The following CCAR1 variants were observed in gnomAD, a reference collection of about 807,000 sequenced individuals.
The protein encoded by CCAR1 is cell division cycle and apoptosis regulator protein 1.
A neutral mutation model predicts 163.8 loss-of-function variants in CCAR1; 78 were observed. That is an observed-to-expected ratio of 0.48 (90% confidence interval 0.40 to 0.57). The LOEUF (loss-of-function observed/expected upper bound fraction) is 0.57. CCAR1 is among the 20% of genes least tolerant of loss of function. The pLI, the probability that CCAR1 is intolerant of heterozygous loss-of-function variation, is 0.00. For synonymous variants in CCAR1, 443 were observed against 460.7 expected (o/e 0.96, Z 0.49); for missense variants, 1,019 against 1,365.2 (o/e 0.75, Z 4.00).
At chr10:68,741,727 CTAA>C (rs1415087352) in intron 5 of CCAR1, among the ~76,000 whole-genome samples, 1 of 152,120 alleles carries the variant, frequency 6.6e-6, no homozygotes. Context: ...AGGCTTTACA[CTAA>C]TAATTAGGAC....
At chr10:68,763,304 C>T (rs532592604) in intron 16 of CCAR1, among the ~76,000 whole-genome samples, 5 of 151,926 alleles carry the variant, frequency 3.3e-5, no homozygotes, top group African/African-American at 1.2e-4. Context: ...GCATGCACCA[C>T]CATGCCCAGC....
intron 3 of CCAR1, 94 bp downstream of exon 3, chr10:68,737,142 A>T: frequency 1.2e-6 from 1 of 825,544 alleles, no homozygotes; most frequent in Non-Finnish European, 1.9e-6. Context: ...GTAGTGAAGA[A>T]TTATGTGTTT....
rs41278524 is a variant in CCAR1 at position 68,754,870 on chromosome 10, G to A, written c.1458+43G>A. ...TTTTAACTTTAGATGTATTCACTTT[G>A]CTTAGCTGTAACTTTGTACACATAA... On this transcript the variant is annotated intron_variant, in intron 12 of 24. Transcript: ENST00000265872. 5.2e-4 allele frequency: 551 copies of A among 1,069,370 alleles called. 3 individuals are homozygous for A. The highest frequency in any genetic ancestry group is 4.1e-3 in the South Asian group (321 of 78,298). The allele number at this position is 1,069,370 out of a possible 1,614,324, so 66.2% of individuals were successfully genotyped here.
At chr10:68,778,821 A>G (rs1364837035) in intron 19 of CCAR1, among the ~76,000 whole-genome samples, 1 of 151,942 alleles carries the variant, frequency 6.6e-6, no homozygotes, top group Non-Finnish European at 1.5e-5. Context: ...TTTATATCTC[A>G]TGATCCTGTT....
intron 15 of CCAR1, among the ~76,000 whole-genome samples, chr10:68,758,610 T>C (rs548626064): frequency 7.3e-6 from 1 of 136,886 alleles, no homozygotes; most frequent in African/African-American, 3.0e-5. Context: ...TATATATACG[T>C]GTGTGTATAT....
At chr10:68,735,454 G>C (rs1481835320) in intron 2 of CCAR1, among the ~76,000 whole-genome samples, 1 of 146,098 alleles carries the variant, frequency 6.8e-6, no homozygotes, top group Non-Finnish European at 1.5e-5. Context: ...GCTCACTGCA[G>C]CCTGGAATGT....
intron 2 of CCAR1, among the ~76,000 whole-genome samples, chr10:68,726,779 C>T (rs942194433): frequency 7.9e-5 from 12 of 151,666 alleles, no homozygotes; most frequent in African/African-American, 2.7e-4. Context: ...AGGCAGATCA[C>T]GAGGTCAGGA....
At chr10:68,746,152 C>G (rs1436920611) in intron 6 of CCAR1, among the ~76,000 whole-genome samples, 1 of 150,560 alleles carries the variant, frequency 6.6e-6, no homozygotes, top group Non-Finnish European at 1.5e-5. Context: ...TTTGTATTTT[C>G]AGTAGGGATG....
intron 19 of CCAR1, among the ~76,000 whole-genome samples, chr10:68,784,464 C>T (rs556918398): frequency 1.8e-3 from 271 of 152,190 alleles, no homozygotes; most frequent in Non-Finnish European, 1.8e-3. Context: ...CCATCTGCCT[C>T]GGGCTGCCAA....
intron 2 of CCAR1, among the ~76,000 whole-genome samples, chr10:68,729,765 C>A (rs1006085872): frequency 6.6e-6 from 1 of 151,196 alleles, no homozygotes; most frequent in Non-Finnish European, 1.5e-5. Flanking sequence ...ATTTTAAAGT[C>A]TTTAAAAATT....
chr10:68,782,150 A>C (rs1316570801), intron 19 of CCAR1, among the ~76,000 whole-genome samples: 1 of 152,222 alleles, frequency 6.6e-6, no homozygotes, highest in African/African-American at 2.4e-5. Context: ...CATTCCCTTA[A>C]GGCAAAACCT....
intron 16 of CCAR1, among the ~76,000 whole-genome samples, chr10:68,764,425 T>TA (rs1464358844): frequency 6.6e-6 from 1 of 152,098 alleles, no homozygotes; most frequent in Non-Finnish European, 1.5e-5. Flanking sequence ...CATGTGGCTG[T>TA]AGTCTCAGCT....
At chr10:68,733,616 C>T (rs949737945) in intron 2 of CCAR1, among the ~76,000 whole-genome samples, 4 of 151,932 alleles carry the variant, frequency 2.6e-5, no homozygotes, top group South Asian at 2.1e-4. Context: ...CCAGCCTGGG[C>T]AATATAGCAA....
intron 19 of CCAR1, chr10:68,774,939 T>G (rs532367497): frequency 7.2e-5 from 28 of 388,106 alleles, no homozygotes; most frequent in Non-Finnish European, 1.1e-4. Flanking sequence ...TCTTTTTGTT[T>G]TTTTTTTTAC....
At chr10:68,771,564 A>G (rs1268357526) in intron 18 of CCAR1, 119 bp downstream of exon 18, 2 of 940,838 alleles carry the variant, frequency 2.1e-6, no homozygotes, top group Non-Finnish European at 3.2e-6. Context: ...TTACTATATT[A>G]GAAAATCAAG....
rs1162990093 is a variant in CCAR1 at position 68,786,617 on chromosome 10, T to C, written c.2805T>C (p.Ser935=). 12 of 1,602,692 alleles carry C rather than the reference T, an allele frequency of 7.5e-6. No individual in the cohort carries two copies. The highest frequency in any genetic ancestry group is 1.3e-5 in the African/African-American group (1 of 74,378). ...LLMAFVYFDQ[S]HCGYLLEKDL... ...TGGCTTTTGTTTATTTTGATCAAAGTCATTGTGGTTACCTTCTTGAAAAGG... is the reference window on the plus strand; with the variant it reads ...TGGCTTTTGTTTATTTTGATCAAAGCCATTGTGGTTACCTTCTTGAAAAGG... The change falls in exon 21 of 25, where the codon AGT becomes AGC. Residue 935 remains serine, a synonymous_variant. Transcript: ENST00000265872.
intron 18 of CCAR1, among the ~76,000 whole-genome samples, chr10:68,772,582 G>A (rs1315326231): frequency 6.6e-6 from 1 of 151,882 alleles, no homozygotes; most frequent in Non-Finnish European, 1.5e-5. Flanking sequence ...TGTGTGGTGG[G>A]ATTTCTTGCT....
intron 19 of CCAR1, among the ~76,000 whole-genome samples, chr10:68,774,605 A>G (rs565517651): frequency 3.3e-5 from 5 of 151,654 alleles, no homozygotes; most frequent in African/African-American, 1.2e-4. Flanking sequence ...CACTCTAGCC[A>G]TGGCAACTGA....
At chr10:68,753,634 A>AT (rs1339579790) in intron 10 of CCAR1, among the ~76,000 whole-genome samples, 1 of 152,318 alleles carries the variant, frequency 6.6e-6, no homozygotes, top group African/African-American at 2.4e-5. Context: ...CAAAATAAGG[A>AT]TAACACTGAG....
Sources: allele counts gnomAD v4.1 joint callset (sites outside exome capture counted in the v4.1 genomes callset), GRCh38; gene constraint gnomAD v4.1.1; transcripts MANE v1.5; gene names NCBI Gene and HGNC (gene_info 2026-07-23, HGNC 2026-07-21).